Variants in C3orf49 observed in about 807,000 individuals in gnomAD.
C3orf49 encodes the protein putative uncharacterized protein C3orf49.
A neutral mutation model predicts 13.3 loss-of-function variants in C3orf49; 27 were observed. The ratio of observed to expected loss-of-function variants is 2.02; its 90% confidence interval spans 1.49 to 2.79. C3orf49 has a LOEUF of 2.79. Ranked by LOEUF, C3orf49 falls within the 30% of genes most tolerant of loss-of-function variation. The pLI, the probability that C3orf49 is intolerant of heterozygous loss-of-function variation, is 0.00. For synonymous variants in C3orf49, 87 were observed against 47.6 expected (o/e 1.83, Z -3.40); for missense variants, 242 against 134.2 (o/e 1.80, Z -3.97).
upstream of C3orf49, among the ~76,000 whole-genome samples, chr3:63,816,851 C>A (rs986444427): frequency 2.8e-5 from 4 of 144,980 alleles, no homozygotes; most frequent in African/African-American, 5.1e-5. Context: ...CGGCTCACTG[C>A]AAGCTCTGCC....
chr3:63,805,758 T>G, the C3orf49 span, among the ~76,000 whole-genome samples: 1,878 of 152,282 alleles, frequency 0.012, 26 homozygotes, highest in African/African-American at 0.039. Flanking sequence ...TTTATTACAC[T>G]GGATGCTAAA....
the C3orf49 span, among the ~76,000 whole-genome samples, chr3:63,781,619 C>G: frequency 6.6e-6 from 1 of 152,110 alleles, no homozygotes; most frequent in African/African-American, 2.4e-5. Flanking sequence ...AAGTCACACT[C>G]GAGACATCAT....
upstream of C3orf49, among the ~76,000 whole-genome samples, chr3:63,819,187 A>G (rs1701364546): frequency 6.6e-6 from 1 of 152,022 alleles, no homozygotes; most frequent in African/African-American, 2.4e-5. Context: ...TGCCTTGTTC[A>G]AGAATCTGTG....
chr3:63,834,422 G>A (rs532205281), intron 5 of C3orf49, among the ~76,000 whole-genome samples: 10 of 151,864 alleles, frequency 6.6e-5, no homozygotes, highest in Admixed American at 2.0e-4. Flanking sequence ...CACTTTGGGA[G>A]GCCAAGGCAG....
intron 5 of C3orf49, among the ~76,000 whole-genome samples, chr3:63,839,207 A>C (rs969272609): frequency 6.6e-6 from 1 of 152,092 alleles, no homozygotes; most frequent in Non-Finnish European, 1.5e-5. Flanking sequence ...AAAAGATTAG[A>C]TATACGTGTG....
At chr3:63,787,550 A>T in the C3orf49 span, among the ~76,000 whole-genome samples, 3 of 152,138 alleles carry the variant, frequency 2.0e-5, no homozygotes, top group African/African-American at 7.2e-5. Flanking sequence ...TTTAAAAAAA[A>T]ATTTGATGAC....
At chr3:63,838,145 C>G (rs1208382186) in intron 5 of C3orf49, 2 of 1,299,254 alleles carry the variant, frequency 1.5e-6, no homozygotes, top group Admixed American at 2.3e-5. Context: ...ATAAATTAAC[C>G]TCTATTGGTA....
At chr3:63,822,398 T>C (rs1701409950) in intron 1 of C3orf49, among the ~76,000 whole-genome samples, 1 of 152,192 alleles carries the variant, frequency 6.6e-6, no homozygotes, top group Non-Finnish European at 1.5e-5. Context: ...AAAAAATAGT[T>C]AATTGAGGAA....
chr3:63,845,175 C>CT (rs1243149636), intron 6 of C3orf49, 93 bp downstream of exon 6: 2 of 524,096 alleles, frequency 3.8e-6, no homozygotes, highest in South Asian at 3.1e-5. Context: ...GCTCTGCTCT[C>CT]TTTAAGTATT....
At chr3:63,829,890 A>T (rs951505989) in intron 3 of C3orf49, among the ~76,000 whole-genome samples, 5 of 152,198 alleles carry the variant, frequency 3.3e-5, no homozygotes, top group African/African-American at 1.2e-4. Context: ...ACCGGAGCCC[A>T]CAGAGGTCAA....
chr3:63,797,582 A>T, the C3orf49 span, among the ~76,000 whole-genome samples: 12 of 152,114 alleles, frequency 7.9e-5, no homozygotes, highest in Admixed American at 6.6e-4. Context: ...CCAGTAATTC[A>T]TCAAAGCTAC....
intron 6 of C3orf49, among the ~76,000 whole-genome samples, chr3:63,848,087 TGAA>T (rs1400668206): frequency 6.6e-6 from 1 of 152,132 alleles, no homozygotes; most frequent in African/African-American, 2.4e-5. Flanking sequence ...TGAAATAAAT[TGAA>T]GTATTTTACT....
the C3orf49 span, among the ~76,000 whole-genome samples, chr3:63,801,874 C>G: frequency 6.6e-6 from 1 of 152,118 alleles, no homozygotes; most frequent in Non-Finnish European, 1.5e-5. Flanking sequence ...CCTGGGAGCC[C>G]CCAGGGACAG....
intron 5 of C3orf49, chr3:63,835,531 A>G (rs1701614499): frequency 1.7e-6 from 1 of 598,566 alleles, no homozygotes; most frequent in Admixed American, 3.4e-5. Flanking sequence ...ATTATGGTGA[A>G]ACTTTTAAAG....
rs1559606983 is a variant in C3orf49 at position 63,848,479 on chromosome 3, A to T, written c.*146A>T. The T allele has an allele frequency of 6.6e-6, 1 of 152,178 alleles. No individual in the cohort carries two copies. Among genetic ancestry groups the T allele is most frequent in the Non-Finnish European group, 1.5e-5 (1 of 68,054 alleles). The allele number at this position is 152,178 out of a possible 1,614,324, so 9.4% of individuals were successfully genotyped here. On this transcript the variant is annotated 3_prime_UTR_variant, in exon 7 of 7. Coordinates refer to ENST00000295896, the MANE Select transcript of C3orf49 (RefSeq NM_001355236.2). ...TCCTGCTTTTCTGTACTGAACCAAT[A>T]TACATCTTACGTGTATTCATTGATG...
At chr3:63,782,009 G>C in the C3orf49 span, among the ~76,000 whole-genome samples, 1 of 152,190 alleles carries the variant, frequency 6.6e-6, no homozygotes, top group Admixed American at 6.5e-5. Context: ...TCTAGAGCCT[G>C]TATGCTTAAT....
chr3:63,831,754 G>C lies in C3orf49; in HGVS notation c.759G>C (p.Gln253His), dbSNP rs2291533. 0.17 allele frequency: 118,660 copies of C among 702,790 alleles called. 10,620 individuals carry two copies. The highest frequency in any genetic ancestry group is 0.2 in the Admixed American group (10,078 of 49,960). The allele number at this position is 702,790 out of a possible 1,614,324, so 43.5% of individuals were successfully genotyped here. ...LLAQRHAELQQCEFLGDEILQ... is the reference protein window; with the variant it reads ...LLAQRHAELQHCEFLGDEILQ... ...CCCAAAGACATGCTGAGCTTCAACA[G>C]TGTGAGTTTCTGGGGGATGAAATTC... is the stretch of plus-strand genomic sequence containing the variant. The change falls in exon 5 of 7, where the codon CAG (glutamine) becomes CAC (histidine). Residue 253 changes from glutamine (Q) to histidine (H), a missense_variant. Physicochemically the swap from Gln to His is conservative, Grantham distance 24. Coordinates refer to ENST00000295896, the MANE Select transcript of C3orf49 (RefSeq NM_001355236.2).
the C3orf49 span, among the ~76,000 whole-genome samples, chr3:63,785,667 G>T: frequency 6.6e-6 from 1 of 152,084 alleles, no homozygotes; most frequent in Non-Finnish European, 1.5e-5. Context: ...AATGAATTTG[G>T]TGTCACAGGT....
At chr3:63,846,086 T>G (rs1351114396) in intron 6 of C3orf49, 1 of 302,690 alleles carries the variant, frequency 3.3e-6, no homozygotes, top group East Asian at 1.2e-4. Context: ...AAGCTGGAAA[T>G]GGAAGATATT....
Sources: gnomAD v4.1 joint callset for allele counts (sites outside exome capture counted in the v4.1 genomes callset) on GRCh38, gnomAD v4.1.1 for gene constraint, MANE v1.5 for transcripts, NCBI Gene and HGNC (gene_info 2026-07-23, HGNC 2026-07-21) for gene names.